FMNL2: variants seen among roughly 807,000 people sequenced by gnomAD.
The protein encoded by FMNL2 is formin like 2, also known as formin-like protein 2.
A neutral mutation model predicts 130.2 loss-of-function variants in FMNL2; 51 were observed. The ratio of observed to expected loss-of-function variants is 0.39; its 90% CI spans 0.31 to 0.49. FMNL2 has a LOEUF of 0.49. Among genes scored for constraint, FMNL2 ranks in the 20% least tolerant of loss-of-function variants. The pLI is 0.85. For synonymous variants in FMNL2, 465 were observed against 467.1 expected (o/e 1.00, Z 0.06); for missense variants, 977 against 1,316.2 (o/e 0.74, Z 3.99).
intron 1 of FMNL2, among the ~76,000 whole-genome samples, chr2:152,461,446 A>G (rs571189990): frequency 6.6e-6 from 1 of 152,300 alleles, no homozygotes; most frequent in African/African-American, 2.4e-5. Flanking sequence ...TTTGTTGGAA[A>G]TATTTGATCT....
intron 9 of FMNL2, among the ~76,000 whole-genome samples, chr2:152,594,369 A>C (rs1697641031): frequency 6.6e-6 from 1 of 152,244 alleles, no homozygotes; most frequent in African/African-American, 2.4e-5. Flanking sequence ...AAGAACAAAA[A>C]CTGACATGTT....
chr2:152,569,558 G>A (rs1388443263), intron 6 of FMNL2, among the ~76,000 whole-genome samples: 1 of 151,824 alleles, frequency 6.6e-6, no homozygotes, highest in Non-Finnish European at 1.5e-5. Context: ...GGTGCCACCC[G>A]TGGTCTTAGC....
chr2:152,510,361 A>G (rs1692430391), intron 1 of FMNL2, among the ~76,000 whole-genome samples: 1 of 152,178 alleles, frequency 6.6e-6, no homozygotes, highest in African/African-American at 2.4e-5. Context: ...TTTTCCTTCC[A>G]GGGACTTGGA....
chr2:152,450,189 C>T (rs1688559235), intron 1 of FMNL2, among the ~76,000 whole-genome samples: 1 of 151,894 alleles, frequency 6.6e-6, no homozygotes, highest in Non-Finnish European at 1.5e-5. Context: ...CATTTCTAAA[C>T]CAAATGCATA....
chr2:152,357,031 A>G lies in FMNL2; in HGVS notation c.117+21311A>G. Among the ~76,000 whole-genome samples, 2 of 129,256 alleles carry G rather than the reference A, an allele frequency of 1.5e-5. 1 individual carries two copies. 84.8% of individuals were successfully genotyped at this position (129,256 alleles called of 152,430 possible). ...AGTTTAATATATAATGATAAATATT[A>G]CATAAGTTTAATATATCACGATAAA... On this transcript the variant is annotated intron_variant, in intron 1 of 25. Transcript: ENST00000288670.
At chr2:152,479,812 G>A (rs554876352) in intron 1 of FMNL2, among the ~76,000 whole-genome samples, 26 of 148,264 alleles carry the variant, frequency 1.8e-4, no homozygotes, top group African/African-American at 5.9e-4. Flanking sequence ...CAGGGTTCAA[G>A]CGATTCTCTT....
chr2:152,432,064 G>T (rs1313314097), intron 1 of FMNL2, among the ~76,000 whole-genome samples: 1 of 149,662 alleles, frequency 6.7e-6, no homozygotes, highest in African/African-American at 2.5e-5. Flanking sequence ...TTATCTGTGT[G>T]TATGTGTATA....
intron 15 of FMNL2, chr2:152,621,162 G>A: frequency 1.0e-6 from 1 of 983,228 alleles, no homozygotes; most frequent in Non-Finnish European, 1.2e-6. Flanking sequence ...ACTCTTGGTA[G>A]CCCCCAAGGC....
intron 3 of FMNL2, among the ~76,000 whole-genome samples, chr2:152,546,945 T>G (rs1694678230): frequency 7.2e-6 from 1 of 138,920 alleles, no homozygotes. Context: ...TTGCCCCCAT[T>G]CTTTTTTTTT....
At chr2:152,405,581 G>A (rs1425755321) in intron 1 of FMNL2, among the ~76,000 whole-genome samples, 1 of 152,144 alleles carries the variant, frequency 6.6e-6, no homozygotes, top group Non-Finnish European at 1.5e-5. Context: ...TGGTTTTCCT[G>A]TGTCTACCTT....
rs575772784 is a variant in FMNL2 at position 152,345,698 on chromosome 2, A to G, written c.117+9978A>G. On this transcript the variant is annotated intron_variant, in intron 1 of 25. Transcript: ENST00000288670. Reference sequence around the variant, plus strand: ...TCTGCCTGGTGAACCTAGGAAGCCAAATGTTTTGGGACCAGGATGCCATAA... The same window carrying G: ...TCTGCCTGGTGAACCTAGGAAGCCAGATGTTTTGGGACCAGGATGCCATAA... 3.9e-5 allele frequency among the ~76,000 whole-genome samples: 6 copies of G among 152,270 alleles called. No homozygotes were observed. The South Asian group carries it at 1.2e-3, about 32-fold the overall frequency.
At chr2:152,450,864 G>C (rs1217334359) in intron 1 of FMNL2, among the ~76,000 whole-genome samples, 1 of 152,234 alleles carries the variant, frequency 6.6e-6, no homozygotes, top group Non-Finnish European at 1.5e-5. Context: ...ACAAGATCAT[G>C]AGGTGATGTC....
chr2:152,642,097 C>T (rs536241357), intron 25 of FMNL2, among the ~76,000 whole-genome samples: 4 of 152,164 alleles, frequency 2.6e-5, no homozygotes, highest in South Asian at 4.2e-4. Context: ...CCCACCACCA[C>T]GCCTGGATAA....
chr2:152,483,557 A>G (rs542410138), intron 1 of FMNL2, among the ~76,000 whole-genome samples: 1 of 152,246 alleles, frequency 6.6e-6, no homozygotes, highest in East Asian at 1.9e-4. Context: ...TGAGCCCTTA[A>G]AAAAATGTCA....
At chr2:152,577,389 T>G (rs958609188) in intron 7 of FMNL2, among the ~76,000 whole-genome samples, 1 of 152,142 alleles carries the variant, frequency 6.6e-6, no homozygotes, top group Non-Finnish European at 1.5e-5. Flanking sequence ...CCTTAGACAT[T>G]CAAATGGTGA....
chr2:152,377,573 A>G (rs1452985866), intron 1 of FMNL2, among the ~76,000 whole-genome samples: 1 of 152,256 alleles, frequency 6.6e-6, no homozygotes, highest in African/African-American at 2.4e-5. Context: ...CAAGAGCTAC[A>G]TGTGGCTAGT....
intron 1 of FMNL2, among the ~76,000 whole-genome samples, chr2:152,418,446 C>T (rs779599583): frequency 4.6e-5 from 7 of 152,132 alleles, no homozygotes; most frequent in Non-Finnish European, 8.8e-5. Flanking sequence ...ACCCATTAAA[C>T]AGTAACTCTT....
chr2:152,645,085 A>C (rs1210204604), intron 25 of FMNL2, among the ~76,000 whole-genome samples: 4 of 152,218 alleles, frequency 2.6e-5, no homozygotes, highest in African/African-American at 9.6e-5. Context: ...AAGGACATAG[A>C]GTGTCATTGC....
At chr2:152,548,413 T>C (rs536287745) in intron 3 of FMNL2, among the ~76,000 whole-genome samples, 174 of 152,312 alleles carry the variant, frequency 1.1e-3, no homozygotes, top group Admixed American at 2.1e-3. Flanking sequence ...CGGCTTATGC[T>C]GAATGCCTCT....
Sources: allele counts gnomAD v4.1 joint callset (sites outside exome capture counted in the v4.1 genomes callset), GRCh38; gene constraint gnomAD v4.1.1; transcripts MANE v1.5; gene names NCBI Gene and HGNC (gene_info 2026-07-23, HGNC 2026-07-21).